Variants in CSTF3 observed in about 807,000 individuals in gnomAD.
The protein encoded by CSTF3 is cleavage stimulation factor subunit 3.
CSTF3 carries 29 observed loss-of-function variants against 105.8 expected under a neutral mutation model. That is an observed-to-expected ratio of 0.27 (90% CI 0.20 to 0.37). The LOEUF is 0.37. CSTF3 is among the 10% of genes least tolerant of loss of function. CSTF3 has a pLI of 1.00. For synonymous variants in CSTF3, 252 were observed against 281.9 expected (o/e 0.89, Z 1.06); for missense variants, 357 against 879.3 (o/e 0.41, Z 7.51).
chr11:33,108,283 C>CTAGA, intron 4 of CSTF3, 103 bp downstream of exon 4: 1 of 1,073,034 alleles, frequency 9.3e-7, no homozygotes, highest in Non-Finnish European at 1.3e-6. Flanking sequence ...TAAAAAATCA[C>CTAGA]TATCTAGATT....
intron 4 of CSTF3, 54 bp from the exon 5 acceptor site, chr11:33,108,054 C>A: frequency 8.8e-7 from 1 of 1,139,964 alleles, no homozygotes; most frequent in Admixed American, 2.2e-5. Flanking sequence ...TTCACATGGA[C>A]ATAGATGAAA....
At chr11:33,123,876 C>G (rs1855517999) in intron 3 of CSTF3, among the ~76,000 whole-genome samples, 1 of 151,714 alleles carries the variant, frequency 6.6e-6, no homozygotes. Flanking sequence ...GATTTTTGAA[C>G]CTTATTTTAA....
At position 33,161,397 on chromosome 11, in the gene CSTF3, C is replaced by T; in HGVS notation, c.-72G>A. 1.3e-6 allele frequency: 2 copies of T among 1,559,582 alleles called. No individual in the cohort carries two copies. Among genetic ancestry groups the T allele is most frequent in the Non-Finnish European group, 1.8e-6 (2 of 1,140,412 alleles). Reference sequence around the variant, plus strand: ...AGAAAAGAAAAATTAAACTAAAAACCACCCCCAAATCAGTAAAGTTACCCC... The same window carrying T: ...AGAAAAGAAAAATTAAACTAAAAACTACCCCCAAATCAGTAAAGTTACCCC... On this transcript the variant is annotated 5_prime_UTR_variant, in exon 1 of 21. Transcript: ENST00000323959.
In CSTF3 at chr11:33,105,922, G is replaced by T; in HGVS notation, c.424-5C>A. 1 of 1,577,162 alleles carries T rather than the reference G, an allele frequency of 6.3e-7. No homozygotes were observed. Among genetic ancestry groups the T allele is most frequent in the Non-Finnish European group, 8.6e-7 (1 of 1,159,524 alleles). ...ATTGATGTAATCCACCCAAATCTAA[G>T]AAATAAAATGAAATGTTAATATCTT... On this transcript the variant is annotated splice_polypyrimidine_tract_variant and splice_region_variant and intron_variant, in intron 6 of 20. Coordinates refer to ENST00000323959, the MANE Select transcript of CSTF3 (RefSeq NM_001326.3).
At chr11:33,134,013 T>A (rs1473430265) in intron 3 of CSTF3, among the ~76,000 whole-genome samples, 1 of 152,218 alleles carries the variant, frequency 6.6e-6, no homozygotes, top group African/African-American at 2.4e-5. Context: ...TATAAGAATC[T>A]TTGTTATTAG....
At chr11:33,156,603 T>G in intron 1 of CSTF3, 3 of 435,786 alleles carry the variant, frequency 6.9e-6, no homozygotes, top group South Asian at 4.9e-5. Context: ...CTTAGAATCA[T>G]GTAGCTTTTC....
At chr11:33,121,745 C>G (rs1190682626) in intron 3 of CSTF3, among the ~76,000 whole-genome samples, 3 of 152,062 alleles carry the variant, frequency 2.0e-5, no homozygotes, top group African/African-American at 4.8e-5. Context: ...GGTGGTGATA[C>G]TTTCACCAGC....
chr11:33,111,955 T>A (rs1855383602), intron 3 of CSTF3, among the ~76,000 whole-genome samples: 1 of 152,134 alleles, frequency 6.6e-6, no homozygotes, highest in African/African-American at 2.4e-5. Flanking sequence ...ATTAAAAAAA[T>A]ACTTTTAAAA....
At chr11:33,139,503 T>C (rs193285607) in intron 3 of CSTF3, among the ~76,000 whole-genome samples, 13 of 151,976 alleles carry the variant, frequency 8.6e-5, no homozygotes, top group South Asian at 2.1e-4. Flanking sequence ...AATGGCCACA[T>C]TGAGTGATAT....
intron 1 of CSTF3, among the ~76,000 whole-genome samples, chr11:33,145,285 G>C (rs1341224623): frequency 6.6e-6 from 1 of 151,618 alleles, no homozygotes. Context: ...AAAATACAAA[G>C]AATTAGTGGG....
At chr11:33,158,813 C>A (rs189785507) in intron 1 of CSTF3, among the ~76,000 whole-genome samples, 1 of 151,990 alleles carries the variant, frequency 6.6e-6, no homozygotes, top group Non-Finnish European at 1.5e-5. Flanking sequence ...ATCATCAACC[C>A]CCAAACCAAA....
intron 1 of CSTF3, among the ~76,000 whole-genome samples, chr11:33,155,693 T>C (rs562980290): frequency 1.3e-5 from 2 of 152,110 alleles, no homozygotes; most frequent in Non-Finnish European, 2.9e-5. Flanking sequence ...CTAAAGATAG[T>C]TTAAACAACT....
chr11:33,134,792 T>C (rs1233628851), intron 3 of CSTF3, among the ~76,000 whole-genome samples: 3 of 152,144 alleles, frequency 2.0e-5, no homozygotes, highest in African/African-American at 7.2e-5. Flanking sequence ...TACAGATCTT[T>C]CTAGTGAAAA....
At chr11:33,119,735 G>C (rs1357192272) in intron 3 of CSTF3, among the ~76,000 whole-genome samples, 1 of 151,676 alleles carries the variant, frequency 6.6e-6, no homozygotes, top group Non-Finnish European at 1.5e-5. Flanking sequence ...TTCTGCAACT[G>C]TTTTTGATAC....
chr11:33,085,022 T>C lies in CSTF3; in HGVS notation c.*65A>G. On this transcript the variant is annotated 3_prime_UTR_variant, in exon 21 of 21. Transcript: ENST00000323959. ...ACCTTGTAACAAAGCGTTGTCTCTTTTAAACATACCACTTGAGGCAAAAGG... is the reference window on the plus strand; with the variant it reads ...ACCTTGTAACAAAGCGTTGTCTCTTCTAAACATACCACTTGAGGCAAAAGG... 1.3e-6 allele frequency: 2 copies of C among 1,549,356 alleles called. No homozygotes were observed. The highest frequency in any genetic ancestry group is 1.8e-6 in the Non-Finnish European group (2 of 1,122,310).
At chr11:33,102,060 G>T in intron 10 of CSTF3, 117 bp downstream of exon 10, 1 of 689,194 alleles carries the variant, frequency 1.5e-6, no homozygotes, top group East Asian at 2.7e-5. Context: ...AGGAATTATT[G>T]AATCTGAAGA....
intron 17 of CSTF3, among the ~76,000 whole-genome samples, chr11:33,088,809 G>A (rs935815709): frequency 6.6e-6 from 1 of 151,654 alleles, no homozygotes; most frequent in South Asian, 2.1e-4. Flanking sequence ...GGTAGAGATG[G>A]GATTTCATCA....
Position 33,085,029 on chromosome 11 carries a change from T to C in CSTF3, c.*58A>G, listed in dbSNP as rs1411609185. ...AACAAAGCGTTGTCTCTTTTAAACA[T>C]ACCACTTGAGGCAAAAGGAATCCTG... is the stretch of plus-strand genomic sequence containing the variant. On this transcript the variant is annotated 3_prime_UTR_variant, in exon 21 of 21. Transcript: ENST00000323959. 6.4e-7 allele frequency: 1 copy of C among 1,571,006 alleles called. No homozygotes were observed. The highest frequency in any genetic ancestry group is 1.1e-5 in the South Asian group (1 of 90,092).
chr11:33,146,898 G>T (rs1842740381), intron 1 of CSTF3, among the ~76,000 whole-genome samples: 1 of 152,110 alleles, frequency 6.6e-6, no homozygotes, highest in Non-Finnish European at 1.5e-5. Context: ...AGGCATGGTA[G>T]CTCATGCCTG....
Sources: gnomAD v4.1 joint callset for allele counts (sites outside exome capture counted in the v4.1 genomes callset) on GRCh38, gnomAD v4.1.1 for gene constraint, MANE v1.5 for transcripts, NCBI Gene and HGNC (gene_info 2026-07-23, HGNC 2026-07-21) for gene names.